The following SCAMP1 variants were observed in gnomAD, a reference collection of about 807,000 sequenced individuals.
SCAMP1 encodes the protein secretory carrier-associated membrane protein 1.
SCAMP1 carries 15 observed loss-of-function variants against 41.8 expected under a neutral mutation model. The ratio of observed to expected loss-of-function variants is 0.36; its 90% confidence interval spans 0.24 to 0.55. The LOEUF (loss-of-function observed/expected upper bound fraction) is 0.55, where lower values mean the gene tolerates loss of function less well. Among genes scored for constraint, SCAMP1 ranks in the 20% least tolerant of loss-of-function variants. SCAMP1 has a pLI of 0.86. For synonymous variants in SCAMP1, 135 were observed against 136.8 expected (o/e 0.99, Z 0.09); for missense variants, 341 against 412.6 (o/e 0.83, Z 1.50).
chr5:78,427,780 T>TA (rs911500428), intron 6 of SCAMP1, among the ~76,000 whole-genome samples: 2 of 152,196 alleles, frequency 1.3e-5, no homozygotes, highest in African/African-American at 4.8e-5. Flanking sequence ...TTTCCCTAGT[T>TA]ACTGATGAAG....
chr5:78,375,597 CA>C (rs1332604858), intron 1 of SCAMP1, among the ~76,000 whole-genome samples: 52 of 152,082 alleles, frequency 3.4e-4, no homozygotes, highest in Admixed American at 1.6e-3. Flanking sequence ...TTAATATATT[CA>C]AAATAATACC....
chr5:78,411,417 T>G (rs1448019642), intron 2 of SCAMP1, among the ~76,000 whole-genome samples: 1 of 152,156 alleles, frequency 6.6e-6, no homozygotes, highest in Non-Finnish European at 1.5e-5. Context: ...GACAAAAGAT[T>G]GTAATGGAGA....
intron 7 of SCAMP1, among the ~76,000 whole-genome samples, chr5:78,458,108 T>C (rs986822763): frequency 3.3e-5 from 5 of 152,004 alleles, no homozygotes; most frequent in East Asian, 1.9e-4. Flanking sequence ...GAGATGAACC[T>C]GGTACCTCAG....
rs1365694418 is a variant in SCAMP1, at chr5:78,454,021, C to T, written c.734+3987C>T. 5.3e-5 allele frequency among the ~76,000 whole-genome samples: 8 copies of T among 152,148 alleles called. No homozygotes were observed. In the East Asian group the frequency reaches 5.8e-4, roughly 11 times the overall value. On this transcript the variant is annotated intron_variant, in intron 7 of 8. Coordinates refer to ENST00000621999, the MANE Select transcript of SCAMP1 (RefSeq NM_004866.6). Reference sequence around the variant, plus strand: ...TGTATAAGAATGCTTGTGATTTTTGCACATTGATTTTGTATCCTGAGACTT... The same window carrying T: ...TGTATAAGAATGCTTGTGATTTTTGTACATTGATTTTGTATCCTGAGACTT...
rs760607850 is a variant in SCAMP1 at position 78,416,528 on chromosome 5, A to AT, written c.235-7dup. On this transcript the variant is annotated splice_polypyrimidine_tract_variant and intron_variant, in intron 3 of 8. Transcript: ENST00000621999. ...TCTGACAGTCTATTCACATATTGAT[A>AT]TTTTTTATTTAGGAACATGCATTGG... 15 of 1,560,924 alleles carry AT rather than the reference A, an allele frequency of 9.6e-6. No homozygotes were observed. The East Asian group carries it at 2.8e-4, about 29-fold the overall frequency.
At chr5:78,422,969 A>T (rs901725909) in intron 6 of SCAMP1, among the ~76,000 whole-genome samples, 1 of 152,004 alleles carries the variant, frequency 6.6e-6, no homozygotes, top group Non-Finnish European at 1.5e-5. Flanking sequence ...TGCCATTGCA[A>T]CCTAAAATCT....
chr5:78,400,910 C>G (rs1252862561), intron 2 of SCAMP1, among the ~76,000 whole-genome samples: 1 of 152,036 alleles, frequency 6.6e-6, no homozygotes, highest in African/African-American at 2.4e-5. Flanking sequence ...ACATCCTTGC[C>G]TTTTTCCTGA....
At chr5:78,432,256 G>T (rs929592567) in intron 6 of SCAMP1, among the ~76,000 whole-genome samples, 1 of 151,868 alleles carries the variant, frequency 6.6e-6, no homozygotes, top group Admixed American at 6.6e-5. Flanking sequence ...TTTTACATTG[G>T]CCTTTATTAA....
chr5:78,457,500 G>C (rs1476568306), intron 7 of SCAMP1, among the ~76,000 whole-genome samples: 1 of 152,126 alleles, frequency 6.6e-6, no homozygotes, highest in Non-Finnish European at 1.5e-5. Flanking sequence ...GCTGCTCGGG[G>C]GTCAGGGGTC....
At chr5:78,391,675 T>C (rs1048501192) in intron 2 of SCAMP1, among the ~76,000 whole-genome samples, 18 of 152,120 alleles carry the variant, frequency 1.2e-4, no homozygotes, top group Non-Finnish European at 2.1e-4. Context: ...GTGGAGGTTG[T>C]AGCGAGCCGA....
Position 78,477,463 on chromosome 5 carries a change from A to G in SCAMP1, c.*1795A>G, listed in dbSNP as rs532975708. 5.3e-5 allele frequency: 8 copies of G among 152,120 alleles called. No homozygotes were observed. Among genetic ancestry groups the G allele is most frequent in the Non-Finnish European group, 8.8e-5 (6 of 67,980 alleles). The allele number at this position is 152,120 out of a possible 1,614,324, so 9.4% of individuals were successfully genotyped here. A position where few individuals can be genotyped will look rare whatever the true frequency, so the allele number is the denominator to read the frequency against. On this transcript the variant is annotated 3_prime_UTR_variant, in exon 9 of 9. Transcript: ENST00000621999. Reference sequence around the variant, plus strand: ...GAAATCTATTTTATCAGTGTGCTTTATTGAGTGTGGATTTTGCATACATTC... The same window carrying G: ...GAAATCTATTTTATCAGTGTGCTTTGTTGAGTGTGGATTTTGCATACATTC...
Position 78,478,797 on chromosome 5 carries a change from A to G in SCAMP1, c.*3129A>G, listed in dbSNP as rs1754064324. The G allele has an allele frequency of 6.6e-6, 1 of 152,144 alleles. No homozygotes were observed. The highest frequency in any genetic ancestry group is 6.5e-5 in the Admixed American group (1 of 15,286). The allele number at this position is 152,144 out of a possible 1,614,324, so 9.4% of individuals were successfully genotyped here. Reference sequence around the variant, plus strand: ...TAAAATAATGTTCATGGTGAATCTTATTTTGAGAAATACATGTTAAAAAAG... The same window carrying G: ...TAAAATAATGTTCATGGTGAATCTTGTTTTGAGAAATACATGTTAAAAAAG... On this transcript the variant is annotated 3_prime_UTR_variant, in exon 9 of 9. Transcript: ENST00000621999.
At position 78,411,566 on chromosome 5, in the gene SCAMP1, T is replaced by A. The variant is rs1007803755; in HGVS notation, c.136-3954T>A. On this transcript the variant is annotated intron_variant, in intron 2 of 8. Transcript: ENST00000621999. ...TACAGCTTTGTTTCATAACTTTTTT[T>A]AATCACTTATTTGTCCAAGCTTCCT... 7.0e-4 allele frequency among the ~76,000 whole-genome samples: 106 copies of A among 152,296 alleles called. 1 individual carries two copies. The highest frequency in any genetic ancestry group is 2.5e-3 in the African/African-American group (105 of 41,586).
intron 1 of SCAMP1, among the ~76,000 whole-genome samples, chr5:78,377,552 T>C (rs369233202): frequency 7.7e-4 from 118 of 152,334 alleles, no homozygotes; most frequent in African/African-American, 2.6e-3. Context: ...TTCTTAGTTA[T>C]GTAGCCAAGT....
At chr5:78,434,112 C>T (rs1752687544) in intron 6 of SCAMP1, among the ~76,000 whole-genome samples, 1 of 152,188 alleles carries the variant, frequency 6.6e-6, no homozygotes, top group Non-Finnish European at 1.5e-5. Flanking sequence ...TGAGGCCAGC[C>T]TCCTGTCTTT....
intron 2 of SCAMP1, among the ~76,000 whole-genome samples, chr5:78,412,498 T>C (rs950072926): frequency 6.6e-6 from 1 of 152,182 alleles, no homozygotes; most frequent in Non-Finnish European, 1.5e-5. Flanking sequence ...TGACAACCTT[T>C]TGTATTTCCA....
intron 7 of SCAMP1, among the ~76,000 whole-genome samples, chr5:78,453,833 C>G (rs1346752142): frequency 6.6e-6 from 1 of 150,796 alleles, no homozygotes; most frequent in Non-Finnish European, 1.5e-5. Context: ...GAATGTTCTT[C>G]CATTTGTTTG....
At chr5:78,404,286 G>T (rs1168020304) in intron 2 of SCAMP1, among the ~76,000 whole-genome samples, 1 of 151,766 alleles carries the variant, frequency 6.6e-6, no homozygotes, top group Admixed American at 6.6e-5. Context: ...CAGGTGGATG[G>T]GACTACAGGC....
At chr5:78,433,321 A>T (rs966587576) in intron 6 of SCAMP1, among the ~76,000 whole-genome samples, 4 of 152,070 alleles carry the variant, frequency 2.6e-5, no homozygotes, top group African/African-American at 9.7e-5. Context: ...TAAAAACTAG[A>T]CATCTTTTGA....
Sources: allele counts gnomAD v4.1 joint callset (sites outside exome capture counted in the v4.1 genomes callset), GRCh38; gene constraint gnomAD v4.1.1; transcripts MANE v1.5; gene names NCBI Gene and HGNC (gene_info 2026-07-23, HGNC 2026-07-21).